The following ZNRF3 variants were observed in gnomAD, a reference collection of about 807,000 sequenced individuals.
The protein encoded by ZNRF3 is zinc and ring finger 3, also known as E3 ubiquitin-protein ligase ZNRF3.
Under a neutral mutation model 72.5 loss-of-function variants are expected in ZNRF3, and 23 were observed. The observed-to-expected ratio is 0.32, with a 90% CI of 0.23 to 0.45. The LOEUF is 0.45. ZNRF3 is among the 20% of genes least tolerant of loss of function. The pLI is 1.00. For missense variants in ZNRF3, 1,169 were observed against 1,272.1 expected (o/e 0.92, Z 1.23); for synonymous variants, 610 against 545.3 (o/e 1.12, Z -1.65).
At chr22:28,977,038 GC>G (rs1334151982) in intron 1 of ZNRF3, among the ~76,000 whole-genome samples, 1 of 152,204 alleles carries the variant, frequency 6.6e-6, no homozygotes, top group African/African-American at 2.4e-5. Context: ...AATGCCCCCT[GC>G]TTCCCCAAGT....
At chr22:29,042,711 ATAATT>A in intron 3 of ZNRF3, 142 bp downstream of exon 3, 3 of 755,138 alleles carry the variant, frequency 4.0e-6, no homozygotes, top group Non-Finnish European at 6.5e-6. Context: ...ATGTTTGGAC[ATAATT>A]CCCAAAGGAG....
chr22:29,024,240 C>T (rs532538565), intron 2 of ZNRF3, among the ~76,000 whole-genome samples: 1 of 150,098 alleles, frequency 6.7e-6, no homozygotes, highest in Admixed American at 6.6e-5. Context: ...GTGGTTCAGT[C>T]TCTCGAGTCT....
At chr22:29,006,291 G>T (rs1333358624) in intron 2 of ZNRF3, among the ~76,000 whole-genome samples, 1 of 132,610 alleles carries the variant, frequency 7.5e-6, no homozygotes, top group African/African-American at 2.8e-5. Context: ...TCGGCTCACC[G>T]CAACCTCCAC....
At chr22:29,017,356 C>T (rs184067177) in intron 2 of ZNRF3, among the ~76,000 whole-genome samples, 48 of 152,332 alleles carry the variant, frequency 3.2e-4, no homozygotes, top group African/African-American at 1.1e-3. Flanking sequence ...CCACTCTCTG[C>T]TGTCCTCACA....
rs1460983374 is a variant in ZNRF3 at position 29,049,727 on chromosome 22, G to T, written c.1546G>T (p.Ala516Ser). The T allele has an allele frequency of 1.3e-6, 2 of 1,598,686 alleles. No homozygotes were observed. Among genetic ancestry groups the T allele is most frequent in the Admixed American group, 1.7e-5 (1 of 59,402 alleles). The part of the protein sequence containing the change: ...SLLFPTVVHV[A>S]PPSHLESGST... ...GCTCTTCCCCACCGTGGTGCACGTG[G>T]CCCCGCCCTCCCACCTGGAGAGCGG... Residue 516 changes from alanine to serine, a missense_variant, in exon 8 of 9, where the codon GCC becomes TCC. Physicochemically the swap from Ala to Ser is moderately conservative, Grantham distance 99 (BLOSUM62 1). Transcript: ENST00000544604. The surrounding 1 kb of genome is among the most constrained non-coding windows in gnomAD (Gnocchi z 5.2).
rs368406733 is a variant in ZNRF3 at position 28,916,985 on chromosome 22, C to G, written c.300+32919C>G. ...CCTGGCCCCACACAGCTGTTAGGCC[C>G]CCTCTATTCTGGAGGCCCGACAACA... On this transcript the variant is annotated intron_variant, in intron 1 of 8. Coordinates refer to ENST00000544604, the MANE Select transcript of ZNRF3 (RefSeq NM_001206998.2). Among the ~76,000 whole-genome samples the G allele has an allele frequency of 8.1e-4, 123 of 152,232 alleles. 5 individuals are homozygous for G. The South Asian group carries it at 0.017, about 22-fold the overall frequency.
At chr22:28,935,488 C>A (rs2034803336) in intron 1 of ZNRF3, among the ~76,000 whole-genome samples, 1 of 152,180 alleles carries the variant, frequency 6.6e-6, no homozygotes, top group East Asian at 1.9e-4. Context: ...TTCTCTCATT[C>A]CGGGTTCTTT....
Position 28,987,109 on chromosome 22 carries a change from G to A in ZNRF3, c.334G>A (p.Glu112Lys), listed in dbSNP as rs2035868211. The change falls in exon 2 of 9, where the codon GAA (glutamate) becomes AAA (lysine). Residue 112 changes from glutamate (E) to lysine (K), a missense_variant. Glu to Lys is a moderately conservative substitution (Grantham distance 56). Transcript: ENST00000544604. ...ACTGGGCCTATGTAATAACAATGACGAAGAGGACTTGTATGAATATGGCTG... is the reference window on the plus strand; with the variant it reads ...ACTGGGCCTATGTAATAACAATGACAAAGAGGACTTGTATGAATATGGCTG... ...HPLGLCNNND[E>K]EDLYEYGWVG... The A allele has an allele frequency of 6.2e-7, 1 of 1,613,664 alleles. No homozygotes were observed. Among genetic ancestry groups the A allele is most frequent in the Non-Finnish European group, 8.5e-7 (1 of 1,179,830 alleles).
At chr22:28,955,032 G>GTTTTTTTTT (rs372334361) in intron 1 of ZNRF3, among the ~76,000 whole-genome samples, 7 of 137,164 alleles carry the variant, frequency 5.1e-5, no homozygotes, top group Non-Finnish European at 7.7e-5. Flanking sequence ...TATTTTTGGT[G>GTTTTTTTTT]TTTTTTTTTT....
intron 1 of ZNRF3, among the ~76,000 whole-genome samples, chr22:28,932,598 C>T (rs2034727088): frequency 6.6e-6 from 1 of 152,162 alleles, no homozygotes; most frequent in Non-Finnish European, 1.5e-5. Context: ...AGATGCATTG[C>T]CAGTCTGCCC....
rs116915998 is a variant in ZNRF3, at chr22:28,983,607, C to T, written c.301-3469C>T. On this transcript the variant is annotated intron_variant, in intron 1 of 8. Coordinates refer to ENST00000544604, the MANE Select transcript of ZNRF3 (RefSeq NM_001206998.2). ...GCTGCCCTCGACTGTCCCTCCATTT[C>T]TTTCTACCATGGCCTTAAGTCTTTG... 3.9e-3 allele frequency among the ~76,000 whole-genome samples: 589 copies of T among 152,352 alleles called. 26 individuals are homozygous for T. The East Asian group carries it at 0.09, about 23-fold the overall frequency.
In ZNRF3 at chr22:29,049,329, C is replaced by G. The variant is rs773251755; in HGVS notation, c.1148C>G (p.Thr383Arg). The change falls in exon 8 of 9, where the codon ACG becomes AGG. Residue 383 changes from threonine to arginine, a missense_variant. By Grantham distance (71) the Thr-to-Arg change is moderately conservative (BLOSUM62 -1). This residue lies in a region of ZNRF3 where 386 missense variants were observed against 540.7 expected (regional missense o/e 0.71). Coordinates refer to ENST00000544604, the MANE Select transcript of ZNRF3 (RefSeq NM_001206998.2). The surrounding 1 kb of genome is among the most constrained non-coding windows in gnomAD (Gnocchi z 5.2). Reference sequence around the variant, plus strand: ...ACCAACGCCATCCCAGCCTACCCTACGAGGACAAGCATGGACTCCCACGGC... The same window carrying G: ...ACCAACGCCATCCCAGCCTACCCTAGGAGGACAAGCATGGACTCCCACGGC... ...HRTNAIPAYP[T>R]RTSMDSHGNP... 7.4e-6 allele frequency: 12 copies of G among 1,613,742 alleles called. No individual in the cohort carries two copies. Among genetic ancestry groups the G allele is most frequent in the Non-Finnish European group, 1.0e-5 (12 of 1,180,028 alleles).
intron 2 of ZNRF3, among the ~76,000 whole-genome samples, chr22:29,021,540 T>C (rs1265307421): frequency 6.6e-6 from 1 of 151,152 alleles, no homozygotes; most frequent in East Asian, 2.0e-4. Context: ...CAGGCTGGAG[T>C]GCAGTGGCGA....
Position 29,049,792 on chromosome 22 carries a change from G to T in ZNRF3, c.1611G>T (p.Ser537=). The change falls in exon 8 of 9, where the codon TCG becomes TCT. Residue 537 remains serine, a synonymous_variant. Transcript: ENST00000544604. This position sits in a 1 kb window ranked among gnomAD's most constrained non-coding sequence, Gnocchi z 5.2. ...TCAGCTGCTATCACGGCCACCGCTCGGTGTGCAGTGGCTACCTGGCCGACT... is the reference window on the plus strand; with the variant it reads ...TCAGCTGCTATCACGGCCACCGCTCTGTGTGCAGTGGCTACCTGGCCGACT... The part of the protein sequence containing the change: ...SSFSCYHGHR[S]VCSGYLADCP... 1 of 1,605,926 alleles carries T rather than the reference G, an allele frequency of 6.2e-7. No homozygotes were observed. Among genetic ancestry groups the T allele is most frequent in the Non-Finnish European group, 8.5e-7 (1 of 1,175,706 alleles).
At position 28,884,031 on chromosome 22, in the gene ZNRF3, G is replaced by A; in HGVS notation, c.265G>A (p.Gly89Arg). 1 of 1,300,476 alleles carries A rather than the reference G, an allele frequency of 7.7e-7. No homozygotes were observed. The highest frequency in any genetic ancestry group is 9.9e-7 in the Non-Finnish European group (1 of 1,005,660). 80.6% of individuals were successfully genotyped at this position (1,300,476 alleles called of 1,614,324 possible). A position where few individuals can be genotyped will look rare whatever the true frequency, so the allele number is the denominator to read the frequency against. The change falls in exon 1 of 9, where the codon GGG becomes AGG. Residue 89 changes from glycine to arginine, a missense_variant. Coordinates refer to ENST00000544604, the MANE Select transcript of ZNRF3 (RefSeq NM_001206998.2). ...CCTCACGGGCCGCTTCTCGCGGGCC[G>A]GGGCCACGCTCAGCGCCGAGGGCGA... The part of the protein sequence containing the change: ...TGLTGRFSRA[G>R]ATLSAEGEIV...
intron 1 of ZNRF3, among the ~76,000 whole-genome samples, chr22:28,981,922 G>T (rs548729795): frequency 6.6e-6 from 1 of 152,098 alleles, no homozygotes; most frequent in Admixed American, 6.5e-5. Flanking sequence ...GCTTGAACCC[G>T]GGAAGCAGAG....
At chr22:29,002,284 A>G (rs547403590) in intron 2 of ZNRF3, among the ~76,000 whole-genome samples, 1 of 152,322 alleles carries the variant, frequency 6.6e-6, no homozygotes, top group East Asian at 1.9e-4. Context: ...ATTTCTTACA[A>G]TTCCAGAAAG....
chr22:29,053,523 G>T (rs2123892232), intron 8 of ZNRF3, 56 bp from the exon 9 acceptor site: 1 of 1,581,582 alleles, frequency 6.3e-7, no homozygotes, highest in African/African-American at 1.3e-5. Flanking sequence ...TCCCTTGCCT[G>T]GTCCCATGTG....
chr22:28,928,346 A>G (rs1487630260), intron 1 of ZNRF3, among the ~76,000 whole-genome samples: 1 of 152,102 alleles, frequency 6.6e-6, no homozygotes, highest in African/African-American at 2.4e-5. Context: ...ACTATTTGAA[A>G]GTTGCCAACA....
Sources: gnomAD v4.1 joint callset for allele counts (sites outside exome capture counted in the v4.1 genomes callset) on GRCh38, gnomAD v4.1.1 for gene constraint, gnomAD v4.1.1 regional missense constraint, Gnocchi (gnomAD v3.1) non-coding constraint, MANE v1.5 for transcripts, NCBI Gene and HGNC (gene_info 2026-07-23, HGNC 2026-07-21) for gene names.